Variants in NPVF observed in about 807,000 individuals in gnomAD.
NPVF encodes neuropeptide VF precursor.
A neutral mutation model predicts 15.7 loss-of-function variants in NPVF; 17 were observed. The observed-to-expected ratio is 1.08, with a 90% CI of 0.74 to 1.62. The LOEUF (loss-of-function observed/expected upper bound fraction) is 1.62, where lower values mean the gene tolerates loss of function less well. NPVF is among the 40% of genes most tolerant of loss of function. NPVF has a pLI of 0.00. For missense variants in NPVF, 270 were observed against 225.2 expected, an observed-to-expected ratio of 1.20 and a Z score of -1.27; for synonymous variants, 70 against 80.1, an observed-to-expected ratio of 0.87 and a Z score of 0.67.
chr7:25,224,767 A>T lies in NPVF; in HGVS notation c.*355T>A, dbSNP rs60142768. 94 of 203,536 alleles carry T rather than the reference A, an allele frequency of 4.6e-4. No individual in the cohort carries two copies. Among genetic ancestry groups the T allele is most frequent in the African/African-American group, 2.1e-3 (92 of 43,500 alleles). 12.6% of individuals were successfully genotyped at this position (203,536 alleles called of 1,614,324 possible). ...GGCATACTATTTAATTTCCATCATA[A>T]TGTTTTTCAGGGTGCTCTTCTGTTT... On this transcript the variant is annotated 3_prime_UTR_variant, in exon 3 of 3. Coordinates refer to ENST00000222674, the MANE Select transcript of NPVF (RefSeq NM_022150.3).
rs1306933825 is a variant in NPVF, at chr7:25,227,009, T to C, written c.156A>G (p.Lys52=). ...DKYSEPRGYP[K]GERSLNFEEL... ...CCTCAAAATTGAGGCTTCTTTCCCCTTTTGGGTATCCTCTAGGCTATAATT... is the reference window on the plus strand; with the variant it reads ...CCTCAAAATTGAGGCTTCTTTCCCCCTTTGGGTATCCTCTAGGCTATAATT... The change falls in exon 2 of 3, where the codon AAA becomes AAG. Residue 52 remains lysine, a synonymous_variant. Coordinates refer to ENST00000222674, the MANE Select transcript of NPVF (RefSeq NM_022150.3). 2 of 1,612,610 alleles carry C rather than the reference T, an allele frequency of 1.2e-6. No homozygotes were observed. The highest frequency in any genetic ancestry group is 1.7e-6 in the Non-Finnish European group (2 of 1,179,004).
At position 25,224,718 on chromosome 7, in the gene NPVF, C is replaced by T. The variant is rs527894206; in HGVS notation, c.*404G>A. On this transcript the variant is annotated 3_prime_UTR_variant, in exon 3 of 3. Coordinates refer to ENST00000222674, the MANE Select transcript of NPVF (RefSeq NM_022150.3). The stretch of plus-strand genomic sequence containing the variant: ...GTAAGTGATTTTTAATCCTTGTTCA[C>T]TTATTTGTCAACCATGTTATTCTGG... 9.8e-4 allele frequency: 162 copies of T among 164,774 alleles called. No individual in the cohort carries two copies. The highest frequency in any genetic ancestry group is 1.7e-3 in the Non-Finnish European group (133 of 77,008). 10.2% of individuals were successfully genotyped at this position (164,774 alleles called of 1,614,324 possible).
intron 2 of NPVF, among the ~76,000 whole-genome samples, chr7:25,225,867 T>C (rs559208588): frequency 1.3e-5 from 2 of 151,448 alleles, no homozygotes; most frequent in African/African-American, 4.9e-5. Flanking sequence ...TTTGTAGGAC[T>C]GAAATTCTAA....
rs1324785332 is a variant in NPVF, at chr7:25,228,255, A to G, written c.138+47T>C. 3.4e-6 allele frequency: 4 copies of G among 1,172,046 alleles called. No homozygotes were observed. In the African/African-American group the frequency reaches 6.1e-5, roughly 18 times the overall value. 72.6% of individuals were successfully genotyped at this position (1,172,046 alleles called of 1,614,324 possible). A position where few individuals can be genotyped will look rare whatever the true frequency, so the allele number is the denominator to read the frequency against. ...CAAAATCATTAGACTTAGGATTAAT[A>G]TTATGTAATTAATGCTACTCACATT... On this transcript the variant is annotated intron_variant, in intron 1 of 2. Coordinates refer to ENST00000222674, the MANE Select transcript of NPVF (RefSeq NM_022150.3).
intron 2 of NPVF, among the ~76,000 whole-genome samples, chr7:25,226,413 C>T (rs556932312): frequency 6.6e-6 from 1 of 152,298 alleles, no homozygotes; most frequent in South Asian, 2.1e-4. Flanking sequence ...GGAAGCCATC[C>T]TATGATTTTA....
chr7:25,226,665 T>A lies in NPVF; in HGVS notation c.500A>T (p.Gln167Leu). 1 of 1,614,158 alleles carries A rather than the reference T, an allele frequency of 6.2e-7. No individual in the cohort carries two copies. The highest frequency in any genetic ancestry group is 1.3e-5 in the African/African-American group (1 of 75,066). Residue 167 changes from glutamine to leucine, a missense_variant, in exon 2 of 3, where the codon CAG becomes CTG. Coordinates refer to ENST00000222674, the MANE Select transcript of NPVF (RefSeq NM_022150.3). ...ATCGGGATTCTGGATTTCTTGGTGC[T>A]GGCAGGTCATGGAGTAAAATAAGTC... The part of the protein sequence containing the change: ...ANDLFYSMTC[Q>L]HQEIQNPDQK...
Position 25,225,029 on chromosome 7 carries a change from A to T in NPVF, c.*93T>A, listed in dbSNP as rs1019258957. On this transcript the variant is annotated 3_prime_UTR_variant, in exon 3 of 3. Coordinates refer to ENST00000222674, the MANE Select transcript of NPVF (RefSeq NM_022150.3). ...AATTGCCGTTGATGATCCATAGCTG[A>T]TGAAGTGTATGTAGCTACTCTTCCG... 7 of 1,006,822 alleles carry T rather than the reference A, an allele frequency of 7.0e-6. No individual in the cohort carries two copies. The African/African-American group carries it at 8.2e-5, about 12-fold the overall frequency. 62.4% of individuals were successfully genotyped at this position (1,006,822 alleles called of 1,614,324 possible). A position where few individuals can be genotyped will look rare whatever the true frequency, so the allele number is the denominator to read the frequency against.
rs2115496676 is a variant in NPVF, at chr7:25,224,804, T to C, written c.*318A>G. On this transcript the variant is annotated 3_prime_UTR_variant, in exon 3 of 3. Coordinates refer to ENST00000222674, the MANE Select transcript of NPVF (RefSeq NM_022150.3). ...GTGCTCTTCTGTTTAATTTTTTTTA[T>C]TAAGTGTAACTGTGCCAATGATTTT... is the stretch of plus-strand genomic sequence containing the variant. The C allele has an allele frequency of 3.9e-6, 1 of 257,126 alleles. No homozygotes were observed. The highest frequency in any genetic ancestry group is 7.2e-6 in the Non-Finnish European group (1 of 138,100). 15.9% of individuals were successfully genotyped at this position (257,126 alleles called of 1,614,324 possible). A position where few individuals can be genotyped will look rare whatever the true frequency, so the allele number is the denominator to read the frequency against.
Position 25,225,166 on chromosome 7 carries a change from G to T in NPVF, c.547C>A (p.Leu183Ile). 1 of 1,605,642 alleles carries T rather than the reference G, an allele frequency of 6.2e-7. No individual in the cohort carries two copies. Among genetic ancestry groups the T allele is most frequent in the Non-Finnish European group, 8.5e-7 (1 of 1,172,790 alleles). The stretch of plus-strand genomic sequence containing the variant: ...TCTGCATCATCTATTTTCTTGAATA[G>T]CAGTCTCCTAAAATGTAAGCAGTAT... ...NPDQKQSRRLLFKKIDDAELK... is the reference protein window; with the variant it reads ...NPDQKQSRRLIFKKIDDAELK... The change falls in exon 3 of 3, where the codon CTA (leucine) becomes ATA (isoleucine). Residue 183 changes from leucine (L) to isoleucine (I), a missense_variant. Transcript: ENST00000222674.
At chr7:25,227,239 A>C (rs1436629470) in intron 1 of NPVF, among the ~76,000 whole-genome samples, 2 of 152,190 alleles carry the variant, frequency 1.3e-5, no homozygotes, top group Non-Finnish European at 2.9e-5. Context: ...AGACAACCAT[A>C]AAATATTTAT....
chr7:25,227,643 A>G (rs1336472074), intron 1 of NPVF, among the ~76,000 whole-genome samples: 1 of 152,230 alleles, frequency 6.6e-6, no homozygotes. Context: ...TCATTGGTTT[A>G]TGGGTTACTG....
chr7:25,228,348 A>G lies in NPVF; in HGVS notation c.92T>C (p.Val31Ala), dbSNP rs1222527699. ...TTCTTTGCTGTGAAGATTGGACATC[A>G]CTAATTCATCTGCACAAAAAATGTT... ...TSNIFCADEL[V>A]MSNLHSKENY... is the part of the protein sequence containing the mutation. Residue 31 changes from valine to alanine, a missense_variant, in exon 1 of 3, where the codon GTG becomes GCG. By Grantham distance (64) the Val-to-Ala change is moderately conservative. Transcript: ENST00000222674. The G allele has an allele frequency of 9.1e-6, 14 of 1,541,790 alleles. No homozygotes were observed. Among genetic ancestry groups the G allele is most frequent in the Non-Finnish European group, 1.2e-5 (13 of 1,115,490 alleles).
At chr7:25,226,474 A>G (rs1783130058) in intron 2 of NPVF, 152 bp downstream of exon 2, 2 of 852,162 alleles carry the variant, frequency 2.3e-6, no homozygotes, top group African/African-American at 3.4e-5. Context: ...CCCAATTTAC[A>G]GGTATTTAGT....
rs55789252 is a variant in NPVF at position 25,224,924 on chromosome 7, C to G, written c.*198G>C. Reference sequence around the variant, plus strand: ...GCTTTTTTTTTATTCAGACAAAAATCATTTTAACTTTACGTAACAAATATG... The same window carrying G: ...GCTTTTTTTTTATTCAGACAAAAATGATTTTAACTTTACGTAACAAATATG... On this transcript the variant is annotated 3_prime_UTR_variant, in exon 3 of 3. Coordinates refer to ENST00000222674, the MANE Select transcript of NPVF (RefSeq NM_022150.3). The G allele has an allele frequency of 0.12, 58,843 of 509,772 alleles. 3,711 individuals carry two copies. Among genetic ancestry groups the G allele is most frequent in the South Asian group, 0.18 (5,261 of 29,518 alleles). 31.6% of individuals were successfully genotyped at this position (509,772 alleles called of 1,614,324 possible). A position where few individuals can be genotyped will look rare whatever the true frequency, so the allele number is the denominator to read the frequency against.
chr7:25,225,600 C>T (rs145876913), intron 2 of NPVF, among the ~76,000 whole-genome samples: 33 of 152,356 alleles, frequency 2.2e-4, no homozygotes, highest in African/African-American at 4.3e-4. Flanking sequence ...AAGGGCGCCT[C>T]GGCTGTTCTT....
In NPVF at chr7:25,228,369, A is replaced by C; in HGVS notation, c.71T>G (p.Ile24Ser). 4.5e-6 allele frequency: 7 copies of C among 1,560,310 alleles called. No individual in the cohort carries two copies. The highest frequency in any genetic ancestry group is 6.2e-6 in the Non-Finnish European group (7 of 1,131,884). Residue 24 changes from isoleucine (I) to serine (S), a missense_variant, in exon 1 of 3, where the codon ATT becomes AGT. Ile to Ser is a moderately radical substitution (Grantham distance 142). Transcript: ENST00000222674. ...CATCACTAATTCATCTGCACAAAAA[A>C]TGTTTGATGTTAACAAGCTTGAAGT... ...LATSSLLTSN[I>S]FCADELVMSN...
intron 2 of NPVF, among the ~76,000 whole-genome samples, chr7:25,225,841 GA>G (rs1453258305): frequency 2.0e-5 from 3 of 152,098 alleles, no homozygotes; most frequent in Non-Finnish European, 4.4e-5. Flanking sequence ...TATGGCAGTG[GA>G]CAAAAATTAT....
chr7:25,226,320 A>G (rs1014002904), intron 2 of NPVF, among the ~76,000 whole-genome samples: 1 of 152,238 alleles, frequency 6.6e-6, no homozygotes, highest in East Asian at 1.9e-4. Context: ...GGAGAGGTCC[A>G]GCGTTTAGAC....
Position 25,225,146 on chromosome 7 carries a change from A to G in NPVF, c.567T>C (p.Asp189=), listed in dbSNP as rs750807938. Residue 189 remains aspartate, a synonymous_variant, in exon 3 of 3, where the codon GAT becomes GAC. Coordinates refer to ENST00000222674, the MANE Select transcript of NPVF (RefSeq NM_022150.3). ...SRRLLFKKID[D]AELKQEK ...CTTATTTTTCTTGTTTCAATTCTGCATCATCTATTTTCTTGAATAGCAGTC... is the reference window on the plus strand; with the variant it reads ...CTTATTTTTCTTGTTTCAATTCTGCGTCATCTATTTTCTTGAATAGCAGTC... 9 of 1,613,622 alleles carry G rather than the reference A, an allele frequency of 5.6e-6. No individual in the cohort carries two copies. The African/African-American group carries it at 8.0e-5, about 14-fold the overall frequency.
Sources: gnomAD v4.1 joint callset for allele counts (sites outside exome capture counted in the v4.1 genomes callset) on GRCh38, gnomAD v4.1.1 for gene constraint, MANE v1.5 for transcripts, NCBI Gene and HGNC (gene_info 2026-07-23, HGNC 2026-07-21) for gene names.